Variants in TRIP11 observed in about 807,000 individuals in gnomAD.
The protein encoded by TRIP11 is thyroid receptor-interacting protein 11.
Under a neutral mutation model 223.1 loss-of-function variants are expected in TRIP11, and 148 were observed. That is an observed-to-expected ratio of 0.66 (90% CI 0.58 to 0.76). TRIP11 has a LOEUF of 0.76. Ranked by LOEUF, TRIP11 falls within the 30% of genes least tolerant of loss-of-function variation. The probability of loss-of-function intolerance (pLI) is 0.00; values close to 1 mark genes in which losing one functional copy is unlikely to be tolerated. For missense variants in TRIP11, 2,043 were observed against 2,222.0 expected (o/e 0.92, Z 1.62); for synonymous variants, 762 against 772.6 (o/e 0.99, Z 0.23).
chr14:92,035,585 ATTTT>A (rs550426136), intron 1 of TRIP11, among the ~76,000 whole-genome samples: 2 of 137,992 alleles, frequency 1.4e-5, no homozygotes, highest in African/African-American at 2.7e-5. Flanking sequence ...TTATTTATTT[ATTTT>A]TTTTTTGAGA....
intron 2 of TRIP11, among the ~76,000 whole-genome samples, chr14:92,025,987 A>C (rs1378315631): frequency 1.3e-5 from 2 of 152,174 alleles, no homozygotes; most frequent in African/African-American, 2.4e-5. Context: ...TTCTGCTAAG[A>C]AAAGGCCACG....
rs1232052076 is a variant in TRIP11 at position 91,967,810 on chromosome 14, G to C, written c.*1863C>G. On this transcript the variant is annotated 3_prime_UTR_variant, in exon 21 of 21. Coordinates refer to ENST00000267622, the MANE Select transcript of TRIP11 (RefSeq NM_004239.4). ...TCAATGGCAAGCAGCAAATAATGTA[G>C]GATAGTCAGTGAAAGTATCTTTGTT... 2 of 196,590 alleles carry C rather than the reference G, an allele frequency of 1.0e-5. No individual in the cohort carries two copies. Among genetic ancestry groups the C allele is most frequent in the Middle Eastern group, 1.7e-3 (1 of 572 alleles). 12.2% of individuals were successfully genotyped at this position (196,590 alleles called of 1,614,324 possible). A position where few individuals can be genotyped will look rare whatever the true frequency, so the allele number is the denominator to read the frequency against.
intron 11 of TRIP11, among the ~76,000 whole-genome samples, chr14:92,001,389 T>G (rs1469020898): frequency 2.0e-5 from 3 of 151,364 alleles, no homozygotes; most frequent in Non-Finnish European, 4.4e-5. Flanking sequence ...TTTTTTTTTT[T>G]TCACACTACA....
At position 91,976,139 on chromosome 14, in the gene TRIP11, A is replaced by G; in HGVS notation, c.5311T>C (p.Leu1771=). 3 of 1,612,596 alleles carry G rather than the reference A, an allele frequency of 1.9e-6. No homozygotes were observed. Among genetic ancestry groups the G allele is most frequent in the Non-Finnish European group, 2.5e-6 (3 of 1,179,806 alleles). Residue 1771 remains leucine, a synonymous_variant, in exon 17 of 21, where the codon TTA becomes CTA. Transcript: ENST00000267622. Reference sequence around the variant, plus strand: ...ACTTTTCCTTCTGAGCTGTTTGCTAAGCTCATCAATTTCTTTTGTACATCA... The same window carrying G: ...ACTTTTCCTTCTGAGCTGTTTGCTAGGCTCATCAATTTCTTTTGTACATCA... ...LDDVQKKLMS[L]ANSSEGKVDK... is the part of the protein sequence containing the mutation.
At position 91,967,725 on chromosome 14, in the gene TRIP11, A is replaced by G. The variant is rs1400093003; in HGVS notation, c.*1948T>C. ...ATATTCTATTTCTTAAAAATAAAGG[A>G]CCATGTGTCTTTTTTAACTTAGAAA... On this transcript the variant is annotated 3_prime_UTR_variant, in exon 21 of 21. Coordinates refer to ENST00000267622, the MANE Select transcript of TRIP11 (RefSeq NM_004239.4). 3 of 193,600 alleles carry G rather than the reference A, an allele frequency of 1.5e-5. No individual in the cohort carries two copies. Among genetic ancestry groups the G allele is most frequent in the Non-Finnish European group, 3.2e-5 (3 of 93,106 alleles). The allele number at this position is 193,600 out of a possible 1,614,324, so 12.0% of individuals were successfully genotyped here. A position where few individuals can be genotyped will look rare whatever the true frequency, so the allele number is the denominator to read the frequency against.
In TRIP11 at chr14:91,999,432, A is replaced by G; in HGVS notation, c.4700T>C (p.Val1567Ala). ...AAATTCTTTGTCACGTAAACGTTGA[A>G]CCTAGGTAGAGGACATTATTTTTCT... ...QMENTALQNE[V>A]QRLRDKEFRS... Residue 1567 changes from valine (V) to alanine (A), a missense_variant and splice_region_variant, in exon 13 of 21, where the codon GTT becomes GCT. By Grantham distance (64) the Val-to-Ala change is moderately conservative. Transcript: ENST00000267622. The G allele has an allele frequency of 6.2e-7, 1 of 1,613,628 alleles. No individual in the cohort carries two copies. The highest frequency in any genetic ancestry group is 2.2e-5 in the East Asian group (1 of 44,822).
intron 20 of TRIP11, 147 bp from the exon 21 acceptor site, chr14:91,970,040 T>C: frequency 2.3e-6 from 2 of 872,784 alleles, no homozygotes; most frequent in South Asian, 3.4e-5. Flanking sequence ...GTATCACTTA[T>C]CAACTTAAAA....
chr14:91,998,042 T>C lies in TRIP11; in HGVS notation c.4892+1198A>G, dbSNP rs17094800. ...CAAGTTTTCCAGCTGAGTCTGAAGG[T>C]ATAATAATATACTCTGCAAAGGTGG... On this transcript the variant is annotated intron_variant, in intron 13 of 20. Transcript: ENST00000267622. Among the ~76,000 whole-genome samples, 1,035 of 152,260 alleles carry C rather than the reference T, an allele frequency of 6.8e-3. 11 individuals carry two copies. The highest frequency in any genetic ancestry group is 0.023 in the African/African-American group (970 of 41,552).
In TRIP11 at chr14:91,999,434, C is replaced by G; in HGVS notation, c.4699-1G>C. On this transcript the variant is annotated splice_acceptor_variant, in intron 12 of 20. Transcript: ENST00000267622. LOFTEE classifies it high-confidence loss of function. ...ATTCTTTGTCACGTAAACGTTGAACCTAGGTAGAGGACATTATTTTTCTTT... is the reference window on the plus strand; with the variant it reads ...ATTCTTTGTCACGTAAACGTTGAACGTAGGTAGAGGACATTATTTTTCTTT... 1 of 1,613,566 alleles carries G rather than the reference C, an allele frequency of 6.2e-7. No individual in the cohort carries two copies. Among genetic ancestry groups the G allele is most frequent in the South Asian group, 1.1e-5 (1 of 91,052 alleles).
intron 20 of TRIP11, 85 bp from the exon 21 acceptor site, chr14:91,969,978 A>T: frequency 7.9e-7 from 1 of 1,265,904 alleles, no homozygotes; most frequent in Non-Finnish European, 1.1e-6. Context: ...GCATAAAGTT[A>T]TCTGTGTAAT....
Position 92,039,740 on chromosome 14 carries a change from G to GC in TRIP11, c.-56dup. 1 of 1,572,138 alleles carries GC rather than the reference G, an allele frequency of 6.4e-7. No homozygotes were observed. The highest frequency in any genetic ancestry group is 2.3e-5 in the East Asian group (1 of 43,176). On this transcript the variant is annotated 5_prime_UTR_variant, in exon 1 of 21. Coordinates refer to ENST00000267622, the MANE Select transcript of TRIP11 (RefSeq NM_004239.4). ...GCTCGGAAAAAAGAAAACGTTTAGCGCCGCCGGGCGATCCGACCAAATATC... is the reference window on the plus strand; with the variant it reads ...GCTCGGAAAAAAGAAAACGTTTAGCGCCCGCCGGGCGATCCGACCAAATATC...
At position 92,005,378 on chromosome 14, in the gene TRIP11, T is replaced by C. The variant is rs763949474; in HGVS notation, c.2598A>G (p.Gln866=). 13 of 1,614,086 alleles carry C rather than the reference T, an allele frequency of 8.1e-6. No homozygotes were observed. The South Asian group carries it at 1.3e-4, about 16-fold the overall frequency. Residue 866 remains glutamine, a synonymous_variant, in exon 11 of 21, where the codon CAA becomes CAG. Transcript: ENST00000267622. ...GSMKEENNHL[Q]EELERLREEQ... ...CTTCCCTGAGTCGTTCCAATTCTTCTTGCAGATGATTATTTTCCTCTTTCA... is the reference window on the plus strand; with the variant it reads ...CTTCCCTGAGTCGTTCCAATTCTTCCTGCAGATGATTATTTTCCTCTTTCA...
At chr14:92,017,623 G>T in intron 5 of TRIP11, 59 bp downstream of exon 5, 1 of 1,325,088 alleles carries the variant, frequency 7.5e-7, no homozygotes, top group Non-Finnish European at 1.1e-6. Context: ...TCAGGCCTAT[G>T]CTTTTAATAA....
intron 1 of TRIP11, among the ~76,000 whole-genome samples, chr14:92,035,728 C>G (rs1359242462): frequency 6.6e-6 from 1 of 151,902 alleles, no homozygotes; most frequent in African/African-American, 2.4e-5. Flanking sequence ...TAGGCCTGCG[C>G]CACCATGCCC....
rs181736452 is a variant in TRIP11 at position 92,033,454 on chromosome 14, T to C, written c.140-201A>G. Reference sequence around the variant, plus strand: ...TCTTCATTGTCATAAAAGTCATTCTTTTTGCCTATGCCCTGTATCTTAGGA... The same window carrying C: ...TCTTCATTGTCATAAAAGTCATTCTCTTTGCCTATGCCCTGTATCTTAGGA... On this transcript the variant is annotated intron_variant, in intron 1 of 20. Coordinates refer to ENST00000267622, the MANE Select transcript of TRIP11 (RefSeq NM_004239.4). Among the ~76,000 whole-genome samples the C allele has an allele frequency of 1.1e-4, 17 of 152,218 alleles. 1 individual carries two copies. Among genetic ancestry groups the C allele is most frequent in the Middle Eastern group, 3.2e-3 (1 of 316 alleles).
intron 2 of TRIP11, among the ~76,000 whole-genome samples, chr14:92,025,874 G>C (rs1328062164): frequency 7.6e-6 from 1 of 131,586 alleles, no homozygotes; most frequent in Non-Finnish European, 1.6e-5. Context: ...GCGAGACTCC[G>C]TCTCAAAAAA....
chr14:91,996,633 A>T (rs1296273904), intron 13 of TRIP11, among the ~76,000 whole-genome samples: 2 of 152,192 alleles, frequency 1.3e-5, no homozygotes, highest in African/African-American at 4.8e-5. Flanking sequence ...TTTATCATAA[A>T]ATGTTTTGTA....
intron 16 of TRIP11, among the ~76,000 whole-genome samples, chr14:91,985,564 T>A (rs1453692548): frequency 6.6e-6 from 1 of 152,210 alleles, no homozygotes; most frequent in East Asian, 1.9e-4. Flanking sequence ...TAAAATACTT[T>A]TAAAAGTGAG....
chr14:92,023,022 T>A (rs1255932497), intron 3 of TRIP11, among the ~76,000 whole-genome samples: 5 of 152,212 alleles, frequency 3.3e-5, no homozygotes, highest in Non-Finnish European at 7.3e-5. Context: ...AAAATCCACA[T>A]CTTTTTCAAA....
Sources: gnomAD v4.1 joint callset for allele counts (sites outside exome capture counted in the v4.1 genomes callset) on GRCh38, gnomAD v4.1.1 for gene constraint, MANE v1.5 for transcripts, NCBI Gene and HGNC (gene_info 2026-07-23, HGNC 2026-07-21) for gene names.